SUGCT: variants seen among roughly 807,000 people sequenced by gnomAD.
The protein encoded by SUGCT is succinyl-CoA:glutarate-CoA transferase.
Under a neutral mutation model 55.0 loss-of-function variants are expected in SUGCT, and 41 were observed. The ratio of observed to expected loss-of-function variants is 0.74; its 90% CI spans 0.58 to 0.97. The LOEUF is 0.97. Among genes scored for constraint, SUGCT ranks in the 50% least tolerant of loss-of-function variants. SUGCT has a pLI of 0.00. For missense variants in SUGCT, 568 were observed against 547.8 expected (o/e 1.04, Z -0.37); for synonymous variants, 187 against 200.4 (o/e 0.93, Z 0.56).
intron 1 of SUGCT, among the ~76,000 whole-genome samples, chr7:40,136,065 T>G (rs1489925297): frequency 6.6e-6 from 1 of 151,876 alleles, no homozygotes; most frequent in Non-Finnish European, 1.5e-5. Flanking sequence ...GGCGCGATCT[T>G]GGTTCACCAC....
At chr7:40,695,502 C>G (rs1462886080) in intron 12 of SUGCT, among the ~76,000 whole-genome samples, 4 of 152,030 alleles carry the variant, frequency 2.6e-5, no homozygotes, top group African/African-American at 9.7e-5. Flanking sequence ...AGCCCAAACC[C>G]TTATTAAAAT....
the SUGCT span, among the ~76,000 whole-genome samples, chr7:40,871,223 A>T: frequency 2.4e-4 from 37 of 152,324 alleles, no homozygotes; most frequent in African/African-American, 8.7e-4. Flanking sequence ...GTATCCTTGC[A>T]CATATTTTTA....
chr7:40,586,302 C>T (rs1476938612), intron 12 of SUGCT, among the ~76,000 whole-genome samples: 2 of 152,138 alleles, frequency 1.3e-5, no homozygotes, highest in Admixed American at 6.6e-5. Context: ...CAGCCACTAG[C>T]CGTTTTGCTT....
chr7:40,894,053 T>TAAA, the SUGCT span, among the ~76,000 whole-genome samples: 1 of 73,152 alleles, frequency 1.4e-5, no homozygotes, highest in Admixed American at 2.0e-4. Context: ...GACTCTGTCT[T>TAAA]AAGAAGAAAA....
the SUGCT span, among the ~76,000 whole-genome samples, chr7:40,917,119 TA>T: frequency 6.6e-6 from 1 of 152,220 alleles, no homozygotes; most frequent in Non-Finnish European, 1.5e-5. Context: ...TCATACAATG[TA>T]GATTTCTTTT....
intron 3 of SUGCT, among the ~76,000 whole-genome samples, chr7:40,186,653 A>G (rs932602684): frequency 2.6e-5 from 4 of 152,142 alleles, no homozygotes; most frequent in Non-Finnish European, 5.9e-5. Context: ...CTTTTTGTAG[A>G]GTTAGCCAGT....
intron 13 of SUGCT, among the ~76,000 whole-genome samples, chr7:40,811,360 A>G (rs948893804): frequency 3.9e-5 from 6 of 152,168 alleles, no homozygotes; most frequent in East Asian, 3.9e-4. Flanking sequence ...TTTGGGCTCT[A>G]TGGTCATTTA....
the SUGCT span, among the ~76,000 whole-genome samples, chr7:41,013,552 TTGAA>T: frequency 6.6e-6 from 1 of 152,110 alleles, no homozygotes; most frequent in Non-Finnish European, 1.5e-5. Context: ...GTGGGTTCGT[TTGAA>T]TGTGCATAAG....
chr7:40,989,165 A>T, the SUGCT span, among the ~76,000 whole-genome samples: 2 of 152,180 alleles, frequency 1.3e-5, no homozygotes. Flanking sequence ...TGTTTGCAGG[A>T]TCTAAATATG....
At chr7:40,514,710 CAAAAAAAAAAAAAAAAAA>C (rs914527174) in intron 12 of SUGCT, among the ~76,000 whole-genome samples, 12 of 13,892 alleles carry the variant, frequency 8.6e-4, no homozygotes, top group African/African-American at 2.6e-3. Context: ...AACTCCGTCT[CAAAAAAAAAAAAAAAAAA>C]AAAAAAAAGG....
At chr7:40,248,610 C>T (rs760923032) in intron 7 of SUGCT, among the ~76,000 whole-genome samples, 1 of 151,526 alleles carries the variant, frequency 6.6e-6, no homozygotes, top group African/African-American at 2.4e-5. Context: ...CTCTGTTGCC[C>T]AGGCTGGAGT....
intron 1 of SUGCT, chr7:40,153,262 CA>C (rs1562799424): frequency 5.0e-6 from 2 of 400,602 alleles, no homozygotes; most frequent in East Asian, 7.9e-5. Flanking sequence ...CTGATGAAAG[CA>C]AAAAAGAAGA....
intron 13 of SUGCT, among the ~76,000 whole-genome samples, chr7:40,846,208 C>T (rs2128794364): frequency 6.6e-6 from 1 of 152,276 alleles, no homozygotes; most frequent in South Asian, 2.1e-4. Flanking sequence ...CAAACAAAGT[C>T]TTGGGAATGC....
At chr7:40,532,709 G>C (rs898859527) in intron 12 of SUGCT, among the ~76,000 whole-genome samples, 6 of 151,904 alleles carry the variant, frequency 3.9e-5, no homozygotes, top group Non-Finnish European at 8.8e-5. Flanking sequence ...CGTTTGTTTT[G>C]TTTTTTAATA....
chr7:41,028,263 T>C, the SUGCT span, among the ~76,000 whole-genome samples: 1 of 152,246 alleles, frequency 6.6e-6, no homozygotes, highest in Non-Finnish European at 1.5e-5. Flanking sequence ...CTGGATATGT[T>C]GAGAAAACTA....
intron 13 of SUGCT, among the ~76,000 whole-genome samples, chr7:40,811,249 T>C (rs931314414): frequency 1.3e-5 from 2 of 152,284 alleles, no homozygotes; most frequent in Admixed American, 6.5e-5. Context: ...CTATTTGGGC[T>C]CTTTTTTGGT....
the SUGCT span, among the ~76,000 whole-genome samples, chr7:40,895,182 G>A: frequency 6.6e-6 from 1 of 152,106 alleles, no homozygotes; most frequent in Non-Finnish European, 1.5e-5. Flanking sequence ...GGAGCTGGAG[G>A]CCATTATCCT....
At chr7:41,004,658 G>A in the SUGCT span, among the ~76,000 whole-genome samples, 1 of 152,224 alleles carries the variant, frequency 6.6e-6, no homozygotes, top group African/African-American at 2.4e-5. Flanking sequence ...AGCTATCAGG[G>A]ACATCAGTAA....
chr7:40,733,183 T>G (rs1369349971), intron 12 of SUGCT, among the ~76,000 whole-genome samples: 1 of 152,152 alleles, frequency 6.6e-6, no homozygotes, highest in Non-Finnish European at 1.5e-5. Context: ...CCATTTTAGT[T>G]TCTATGTATT....
Sources: allele counts gnomAD v4.1 joint callset (sites outside exome capture counted in the v4.1 genomes callset), GRCh38; gene constraint gnomAD v4.1.1; transcripts MANE v1.5; gene names NCBI Gene and HGNC (gene_info 2026-07-23, HGNC 2026-07-21).